ARL15: variants seen among roughly 807,000 people sequenced by gnomAD.
The protein encoded by ARL15 is ARF like GTPase 15.
A neutral mutation model predicts 25.2 loss-of-function variants in ARL15; 19 were observed. The ratio of observed to expected loss-of-function variants is 0.75; its 90% CI spans 0.53 to 1.10. The LOEUF is 1.10. Ranked by LOEUF, ARL15 falls within the 50% of genes least tolerant of loss-of-function variation. ARL15 has a pLI of 0.00. For missense variants in ARL15, 220 were observed against 246.0 expected, an observed-to-expected ratio of 0.89 and a Z score of 0.71; for synonymous variants, 94 against 86.8, an observed-to-expected ratio of 1.08 and a Z score of -0.46.
chr5:54,123,131 C>T (rs573924463), intron 3 of ARL15, among the ~76,000 whole-genome samples: 39 of 146,458 alleles, frequency 2.7e-4, no homozygotes, highest in African/African-American at 8.1e-4. Flanking sequence ...TTTTTTGAGA[C>T]GGAGTTTCGC....
At chr5:54,057,441 A>C (rs1750913726) in intron 4 of ARL15, among the ~76,000 whole-genome samples, 1 of 152,256 alleles carries the variant, frequency 6.6e-6, no homozygotes, top group Non-Finnish European at 1.5e-5. Context: ...CTGTTTAAAA[A>C]GTACCATCAT....
At chr5:54,208,320 A>T (rs374045364) in intron 1 of ARL15, among the ~76,000 whole-genome samples, 2 of 152,150 alleles carry the variant, frequency 1.3e-5, no homozygotes, top group African/African-American at 4.8e-5. Flanking sequence ...ACAGAAACCT[A>T]ACACAGGAAA....
intron 4 of ARL15, among the ~76,000 whole-genome samples, chr5:53,896,057 A>G (rs1279580900): frequency 6.6e-6 from 1 of 152,104 alleles, no homozygotes; most frequent in African/African-American, 2.4e-5. Flanking sequence ...TTTTTGAGAC[A>G]GAGTCTTGCT....
At chr5:53,946,170 T>C (rs771576695) in intron 4 of ARL15, among the ~76,000 whole-genome samples, 2 of 152,130 alleles carry the variant, frequency 1.3e-5, no homozygotes, top group Non-Finnish European at 1.5e-5. Flanking sequence ...AATGACATAA[T>C]AGGCTGCGCA....
intron 1 of ARL15, among the ~76,000 whole-genome samples, chr5:54,238,719 C>T (rs552729428): frequency 6.6e-6 from 1 of 152,268 alleles, no homozygotes; most frequent in East Asian, 1.9e-4. Flanking sequence ...CCAAATCACT[C>T]GCAAAGGAAA....
intron 4 of ARL15, among the ~76,000 whole-genome samples, chr5:53,978,073 T>C (rs1748001244): frequency 6.6e-6 from 1 of 152,152 alleles, no homozygotes; most frequent in African/African-American, 2.4e-5. Context: ...CAAAAAGGTC[T>C]AGGTCATGTG....
At chr5:54,278,059 G>A (rs1039885465) in intron 1 of ARL15, among the ~76,000 whole-genome samples, 8 of 152,162 alleles carry the variant, frequency 5.3e-5, no homozygotes, top group Non-Finnish European at 1.2e-4. Flanking sequence ...CCCACAGGAA[G>A]GTCACTAGAA....
At chr5:53,967,957 C>T (rs1446965625) in intron 4 of ARL15, among the ~76,000 whole-genome samples, 1 of 152,090 alleles carries the variant, frequency 6.6e-6, no homozygotes, top group African/African-American at 2.4e-5. Flanking sequence ...AGTTATTGTT[C>T]AGTGATTGTG....
At chr5:53,964,389 T>A (rs1747476731) in intron 4 of ARL15, among the ~76,000 whole-genome samples, 1 of 152,170 alleles carries the variant, frequency 6.6e-6, no homozygotes. Flanking sequence ...AGACGGAGTC[T>A]AGCTCTGTCC....
rs1203773434 is a variant in ARL15, at chr5:54,029,324, CACCACCACT to C, written c.462+83869_462+83877del. Among the ~76,000 whole-genome samples, 907 of 116,448 alleles carry C rather than the reference CACCACCACT, an allele frequency of 7.8e-3. 10 individuals carry two copies. Among genetic ancestry groups the C allele is most frequent in the Admixed American group, 0.019 (228 of 11,802 alleles). 76.4% of individuals were successfully genotyped at this position (116,448 alleles called of 152,430 possible). A position where few individuals can be genotyped will look rare whatever the true frequency, so the allele number is the denominator to read the frequency against. On this transcript the variant is annotated intron_variant, in intron 4 of 4. Transcript: ENST00000504924. ...AAACAGTTACCACCACCACCACCAC[CACCACCACT>C]ACCACCACCACCACCACCACCACCA...
intron 4 of ARL15, among the ~76,000 whole-genome samples, chr5:53,956,320 C>A (rs1580116504): frequency 6.6e-6 from 1 of 151,234 alleles, no homozygotes; most frequent in African/African-American, 2.4e-5. Flanking sequence ...ACAACAAAAC[C>A]CTGAAGAAAA....
At chr5:53,963,164 A>G (rs2270688) in intron 4 of ARL15, among the ~76,000 whole-genome samples, 11,693 of 152,298 alleles carry the variant, frequency 0.077, 546 homozygotes, top group East Asian at 0.18. Flanking sequence ...CTACCTAATT[A>G]GCACATTTAT....
chr5:53,998,494 C>A (rs201509278), intron 4 of ARL15, among the ~76,000 whole-genome samples: 1 of 152,120 alleles, frequency 6.6e-6, no homozygotes, highest in Admixed American at 6.6e-5. Context: ...CAAGGCACTG[C>A]GGTTCAGCAC....
intron 1 of ARL15, among the ~76,000 whole-genome samples, chr5:54,239,833 T>C (rs1756908189): frequency 6.6e-6 from 1 of 152,148 alleles, no homozygotes; most frequent in Admixed American, 6.6e-5. Context: ...GGAATCCCCA[T>C]ACTAGCCCTA....
intron 4 of ARL15, among the ~76,000 whole-genome samples, chr5:54,085,308 T>C (rs1751931788): frequency 6.6e-6 from 1 of 152,260 alleles, no homozygotes. Flanking sequence ...ATTTTATTTA[T>C]TAGTCCTTTA....
At chr5:54,160,343 A>G (rs536247022) in intron 2 of ARL15, among the ~76,000 whole-genome samples, 1 of 152,334 alleles carries the variant, frequency 6.6e-6, no homozygotes, top group Non-Finnish European at 1.5e-5. Flanking sequence ...AATTTTCATG[A>G]ACATTTTCAA....
intron 1 of ARL15, among the ~76,000 whole-genome samples, chr5:54,303,243 TGGGC>T (rs1758658337): frequency 6.6e-6 from 1 of 152,060 alleles, no homozygotes; most frequent in Non-Finnish European, 1.5e-5. Context: ...GAAATGGGGC[TGGGC>T]ACAGTGGCTC....
At chr5:54,077,132 T>C (rs1440979791) in intron 4 of ARL15, among the ~76,000 whole-genome samples, 1 of 152,198 alleles carries the variant, frequency 6.6e-6, no homozygotes, top group African/African-American at 2.4e-5. Flanking sequence ...ATATTGTCAT[T>C]CATTTACTCA....
chr5:54,287,456 A>G (rs1040937409), intron 1 of ARL15, among the ~76,000 whole-genome samples: 1 of 151,238 alleles, frequency 6.6e-6, no homozygotes, highest in Non-Finnish European at 1.5e-5. Context: ...AAAGATTGAG[A>G]GGTATCCAAG....
Sources: allele counts gnomAD v4.1 joint callset (sites outside exome capture counted in the v4.1 genomes callset), GRCh38; gene constraint gnomAD v4.1.1; transcripts MANE v1.5; gene names NCBI Gene and HGNC (gene_info 2026-07-23, HGNC 2026-07-21).